PPFIA2: variants seen among roughly 807,000 people sequenced by gnomAD.
The protein encoded by PPFIA2 is liprin-alpha-2.
PPFIA2 carries 46 observed loss-of-function variants against 175.5 expected under a neutral mutation model. The ratio of observed to expected loss-of-function variants is 0.26; its 90% confidence interval spans 0.21 to 0.34. PPFIA2 has a LOEUF of 0.34. Among genes scored for constraint, PPFIA2 ranks in the 10% least tolerant of loss-of-function variants. The probability of loss-of-function intolerance (pLI) is 1.00; values close to 1 mark genes in which losing one functional copy is unlikely to be tolerated. For missense variants in PPFIA2, 1,179 were observed against 1,506.1 expected (o/e 0.78, Z 3.60); for synonymous variants, 568 against 511.4 (o/e 1.11, Z -1.49).
At chr12:81,655,860 AT>A in intron 4 of PPFIA2, among the ~76,000 whole-genome samples, 1 of 152,102 alleles carries the variant, frequency 6.6e-6, no homozygotes, top group East Asian at 1.9e-4. Flanking sequence ...GAGAAGTAAA[AT>A]AAAATGTTCT....
intron 8 of PPFIA2, among the ~76,000 whole-genome samples, chr12:81,397,145 G>A (rs1408291347): frequency 6.6e-6 from 1 of 152,016 alleles, no homozygotes; most frequent in African/African-American, 2.4e-5. Flanking sequence ...TGGTTGTAGG[G>A]TCTGAACTAG....
intron 22 of PPFIA2, among the ~76,000 whole-genome samples, chr12:81,322,613 C>T (rs1486184689): frequency 6.6e-6 from 1 of 152,108 alleles, no homozygotes; most frequent in Non-Finnish European, 1.5e-5. Flanking sequence ...CTATACTCTA[C>T]ATAAACCTGC....
intron 24 of PPFIA2, among the ~76,000 whole-genome samples, chr12:81,285,079 A>G (rs1253617583): frequency 6.6e-6 from 1 of 152,192 alleles, no homozygotes; most frequent in East Asian, 1.9e-4. Flanking sequence ...ATTCTATTAT[A>G]AAGTCCCATT....
intron 3 of PPFIA2, among the ~76,000 whole-genome samples, chr12:81,741,203 TC>T (rs2082277537): frequency 6.6e-6 from 1 of 152,196 alleles, no homozygotes; most frequent in African/African-American, 2.4e-5. Context: ...CCCACTTCAT[TC>T]TTGAAGGGGA....
At chr12:81,393,280 T>C (rs1185664037) in intron 8 of PPFIA2, among the ~76,000 whole-genome samples, 1 of 152,112 alleles carries the variant, frequency 6.6e-6, no homozygotes, top group African/African-American at 2.4e-5. Context: ...AGTGTGTATA[T>C]TGAGTTTATT....
intron 4 of PPFIA2, among the ~76,000 whole-genome samples, chr12:81,640,963 T>C (rs1448692540): frequency 6.6e-6 from 1 of 152,108 alleles, no homozygotes; most frequent in African/African-American, 2.4e-5. Context: ...GGTGATAAAA[T>C]GAAATCGATT....
chr12:81,651,388 A>T (rs1294799994), intron 4 of PPFIA2, among the ~76,000 whole-genome samples: 1 of 152,210 alleles, frequency 6.6e-6, no homozygotes, highest in Non-Finnish European at 1.5e-5. Context: ...AGGCAGAAAC[A>T]TTAACAAAAC....
At chr12:81,636,748 G>A (rs1051326681) in intron 4 of PPFIA2, among the ~76,000 whole-genome samples, 7 of 152,000 alleles carry the variant, frequency 4.6e-5, no homozygotes, top group Admixed American at 6.6e-5. Flanking sequence ...TGCCTCCCAG[G>A]TTCAAGTGAT....
intron 3 of PPFIA2, among the ~76,000 whole-genome samples, chr12:81,689,741 T>G (rs1300255941): frequency 6.6e-6 from 1 of 152,122 alleles, no homozygotes; most frequent in Non-Finnish European, 1.5e-5. Context: ...TAGAATATTT[T>G]ATATCCTTAT....
chr12:81,663,833 A>G (rs977295911), intron 4 of PPFIA2, among the ~76,000 whole-genome samples: 20 of 152,212 alleles, frequency 1.3e-4, no homozygotes, highest in Non-Finnish European at 2.8e-4. Flanking sequence ...ACTGGTACCA[A>G]AACAGAGATA....
rs553583584 is a variant in PPFIA2, at chr12:81,477,312, A to G, written c.304-19446T>C. Reference sequence around the variant, plus strand: ...GGAGGAGAGAGAGCTACTTTCAATTATTTGAAAAGGCTTTCACCTGGAAAG... The same window carrying G: ...GGAGGAGAGAGAGCTACTTTCAATTGTTTGAAAAGGCTTTCACCTGGAAAG... On this transcript the variant is annotated intron_variant, in intron 4 of 32. Transcript: ENST00000549396. Among the ~76,000 whole-genome samples the G allele has an allele frequency of 2.6e-5, 4 of 152,332 alleles. No homozygotes were observed. In the South Asian group the frequency reaches 8.3e-4, roughly 32 times the overall value.
At chr12:81,457,987 A>G in intron 4 of PPFIA2, 121 bp from the exon 5 acceptor site, 1 of 631,500 alleles carries the variant, frequency 1.6e-6, no homozygotes, top group South Asian at 2.1e-5. Context: ...TGGTCAACAT[A>G]TGTTGCTGTT....
intron 4 of PPFIA2, among the ~76,000 whole-genome samples, chr12:81,491,210 TTTG>T (rs1342742932): frequency 1.4e-5 from 1 of 72,306 alleles, no homozygotes; most frequent in East Asian, 3.4e-4. Flanking sequence ...AATTACTTTT[TTTG>T]TTTTTTTGCT....
intron 24 of PPFIA2, among the ~76,000 whole-genome samples, chr12:81,290,072 T>C (rs1393649040): frequency 1.3e-5 from 2 of 151,608 alleles, no homozygotes; most frequent in Non-Finnish European, 3.0e-5. Flanking sequence ...AATAAATAAA[T>C]AAATAAAAGT....
intron 3 of PPFIA2, among the ~76,000 whole-genome samples, chr12:81,752,191 A>G (rs561666147): frequency 2.0e-5 from 3 of 152,186 alleles, no homozygotes; most frequent in Non-Finnish European, 4.4e-5. Context: ...ACTTGTCTCC[A>G]AATATAATAA....
intron 3 of PPFIA2, among the ~76,000 whole-genome samples, chr12:81,729,805 A>G (rs1489525859): frequency 1.3e-5 from 2 of 151,508 alleles, no homozygotes; most frequent in Non-Finnish European, 3.0e-5. Flanking sequence ...TGGTTTGAAG[A>G]CAGATGGGGA....
At chr12:81,544,732 T>G (rs1409280041) in intron 4 of PPFIA2, among the ~76,000 whole-genome samples, 1 of 152,124 alleles carries the variant, frequency 6.6e-6, no homozygotes, top group Non-Finnish European at 1.5e-5. Context: ...TATAGAGGTT[T>G]CAAGCATTTC....
intron 7 of PPFIA2, among the ~76,000 whole-genome samples, chr12:81,437,095 TATA>T (rs890116416): frequency 1.3e-5 from 2 of 152,206 alleles, no homozygotes; most frequent in Non-Finnish European, 2.9e-5. Context: ...TATAGGAGAT[TATA>T]ATAATACTCG....
At chr12:81,743,524 A>T (rs11114997) in intron 3 of PPFIA2, among the ~76,000 whole-genome samples, 45,613 of 146,204 alleles carry the variant, frequency 0.31, 8,184 homozygotes, top group Middle Eastern at 0.52. Context: ...GCTTTTTTTA[A>T]AAAAAAAAGA....
Sources: gnomAD v4.1 joint callset for allele counts (sites outside exome capture counted in the v4.1 genomes callset) on GRCh38, gnomAD v4.1.1 for gene constraint, MANE v1.5 for transcripts, NCBI Gene and HGNC (gene_info 2026-07-23, HGNC 2026-07-21) for gene names.